ENPP3: variants seen among roughly 807,000 people sequenced by gnomAD.
ENPP3 encodes the protein ectonucleotide pyrophosphatase/phosphodiesterase family member 3.
A neutral mutation model predicts 117.8 loss-of-function variants in ENPP3; 104 were observed. That is an observed-to-expected ratio of 0.88 (90% confidence interval 0.75 to 1.04). The LOEUF (loss-of-function observed/expected upper bound fraction) is 1.04, where lower values mean the gene tolerates loss of function less well. Among genes scored for constraint, ENPP3 ranks in the 50% least tolerant of loss-of-function variants. ENPP3 has a pLI of 0.00. For synonymous variants in ENPP3, 380 were observed against 349.9 expected (o/e 1.09, Z -0.96); for missense variants, 1,026 against 1,051.9 (o/e 0.98, Z 0.34).
chr6:131,690,784 C>T (rs897466151), intron 14 of ENPP3, among the ~76,000 whole-genome samples: 5 of 151,770 alleles, frequency 3.3e-5, no homozygotes, highest in East Asian at 3.9e-4. Flanking sequence ...TCTCTCAACA[C>T]CTTCTAGTAT....
chr6:131,687,447 G>A (rs1468696470), intron 14 of ENPP3, among the ~76,000 whole-genome samples: 2 of 152,116 alleles, frequency 1.3e-5, no homozygotes, highest in African/African-American at 2.4e-5. Flanking sequence ...CTTGACATGG[G>A]TCTTGGCAAA....
intron 2 of ENPP3, among the ~76,000 whole-genome samples, chr6:131,647,287 A>G (rs1464481274): frequency 6.6e-6 from 1 of 152,228 alleles, no homozygotes; most frequent in African/African-American, 2.4e-5. Flanking sequence ...AATGTGTTAA[A>G]ATAACTTCTA....
intron 7 of ENPP3, among the ~76,000 whole-genome samples, 185 bp from the exon 8 acceptor site, chr6:131,673,977 T>G (rs62423387): frequency 0.099 from 15,082 of 152,162 alleles, 1,760 homozygotes; most frequent in African/African-American, 0.28. Context: ...GTCATGGAAC[T>G]AATGCCCTAT....
chr6:131,651,409 G>C (rs980763968), intron 3 of ENPP3, among the ~76,000 whole-genome samples: 3 of 152,134 alleles, frequency 2.0e-5, no homozygotes, highest in African/African-American at 7.2e-5. Context: ...GGAATAACAG[G>C]CTATGGTAAA....
intron 24 of ENPP3, 60 bp downstream of exon 24, chr6:131,740,440 C>T (rs1302332529): frequency 1.5e-6 from 2 of 1,321,190 alleles, no homozygotes; most frequent in African/African-American, 1.5e-5. Flanking sequence ...CATTTGGGTT[C>T]TCATAAAAGT....
rs556535941 is a variant in ENPP3, at chr6:131,721,169, C to T, written c.1567+790C>T. Among the ~76,000 whole-genome samples the T allele has an allele frequency of 1.7e-3, 263 of 152,292 alleles. 1 individual carries two copies. Among genetic ancestry groups the T allele is most frequent in the African/African-American group, 6.1e-3 (253 of 41,554 alleles). On this transcript the variant is annotated intron_variant, in intron 17 of 24. Coordinates refer to ENST00000357639, the MANE Select transcript of ENPP3 (RefSeq NM_005021.5). ...GAAGCCTAACCTACCTTCCTACCTA[C>T]GTGCTTGTTGCAGGCCATTGTATTA... is the stretch of plus-strand genomic sequence containing the variant.
At chr6:131,691,666 A>G (rs1779282419) in intron 14 of ENPP3, among the ~76,000 whole-genome samples, 1 of 152,132 alleles carries the variant, frequency 6.6e-6, no homozygotes, top group Non-Finnish European at 1.5e-5. Context: ...AAATTCTCAA[A>G]TGCAAAGAAT....
At chr6:131,683,003 G>C (rs762579423) in intron 11 of ENPP3, 51 bp from the exon 12 acceptor site, 1 of 1,088,116 alleles carries the variant, frequency 9.2e-7, no homozygotes. Flanking sequence ...TAACGGTTTG[G>C]CTAATTAAGA....
At chr6:131,694,788 C>T (rs572051894) in intron 15 of ENPP3, among the ~76,000 whole-genome samples, 1 of 149,942 alleles carries the variant, frequency 6.7e-6, no homozygotes, top group East Asian at 2.0e-4. Flanking sequence ...GAGCCAAGAT[C>T]GCACCACTGC....
chr6:131,672,451 T>C (rs1045158340), intron 7 of ENPP3, among the ~76,000 whole-genome samples: 4 of 152,110 alleles, frequency 2.6e-5, no homozygotes, highest in African/African-American at 7.2e-5. Flanking sequence ...GTATGAGTGA[T>C]AGTGAACCAA....
intron 20 of ENPP3, among the ~76,000 whole-genome samples, chr6:131,733,357 T>C (rs1221906547): frequency 6.6e-6 from 1 of 152,190 alleles, no homozygotes; most frequent in Non-Finnish European, 1.5e-5. Flanking sequence ...ACTGTGCAAA[T>C]ATTTTTTTCC....
intron 5 of ENPP3, among the ~76,000 whole-genome samples, chr6:131,654,629 G>T (rs1452167766): frequency 2.0e-5 from 3 of 152,086 alleles, no homozygotes; most frequent in African/African-American, 7.2e-5. Context: ...TTTTTGTAGA[G>T]ACAGTGTTTT....
chr6:131,691,293 A>G (rs1779271758), intron 14 of ENPP3, among the ~76,000 whole-genome samples: 1 of 152,176 alleles, frequency 6.6e-6, no homozygotes, highest in African/African-American at 2.4e-5. Context: ...ATTCTGAGAT[A>G]AAATGTCAAA....
At chr6:131,683,004 C>T (rs1779058479) in intron 11 of ENPP3, 50 bp from the exon 12 acceptor site, 1 of 1,102,874 alleles carries the variant, frequency 9.1e-7, no homozygotes, top group African/African-American at 1.5e-5. Context: ...AACGGTTTGG[C>T]TAATTAAGAC....
intron 18 of ENPP3, among the ~76,000 whole-genome samples, chr6:131,722,813 A>C (rs781117362): frequency 1.3e-5 from 2 of 152,150 alleles, no homozygotes; most frequent in Admixed American, 6.5e-5. Flanking sequence ...GCTGTTTGAC[A>C]TACCCACTAG....
At position 131,707,318 on chromosome 6, in the gene ENPP3, G is replaced by T. The variant is rs1461797021; in HGVS notation, c.1413-11354G>T. Reference sequence around the variant, plus strand: ...TGTTTCATTATGATATTTGAAATTTGTTTTTTCCTTTTAATTTATGCTTGA... The same window carrying T: ...TGTTTCATTATGATATTTGAAATTTTTTTTTTCCTTTTAATTTATGCTTGA... On this transcript the variant is annotated intron_variant, in intron 15 of 24. Coordinates refer to ENST00000357639, the MANE Select transcript of ENPP3 (RefSeq NM_005021.5). Among the ~76,000 whole-genome samples, 3 of 82,408 alleles carry T rather than the reference G, an allele frequency of 3.6e-5. 1 individual carries two copies. The highest frequency in any genetic ancestry group is 9.1e-5 in the African/African-American group (1 of 11,002). 54.1% of individuals were successfully genotyped at this position (82,408 alleles called of 152,430 possible).
intron 1 of ENPP3, among the ~76,000 whole-genome samples, chr6:131,638,764 C>T (rs1048168165): frequency 3.9e-5 from 6 of 151,964 alleles, no homozygotes; most frequent in African/African-American, 1.4e-4. Context: ...AGTAATCCAC[C>T]AGCTCTGACT....
In ENPP3 at chr6:131,693,582, A is replaced by G. The variant is rs759096436; in HGVS notation, c.1370A>G (p.Asp457Gly). 1 of 1,613,976 alleles carries G rather than the reference A, an allele frequency of 6.2e-7. No homozygotes were observed. The highest frequency in any genetic ancestry group is 1.1e-5 in the South Asian group (1 of 91,030). ...RLHYAKNVRIDKVHLFVDQQW... is the reference protein window; with the variant it reads ...RLHYAKNVRIGKVHLFVDQQW... ...CACTATGCCAAGAACGTCAGAATCGACAAAGTTCATCTCTTTGTGGATCAA... is the reference window on the plus strand; with the variant it reads ...CACTATGCCAAGAACGTCAGAATCGGCAAAGTTCATCTCTTTGTGGATCAA... The change falls in exon 15 of 25, where the codon GAC (aspartate) becomes GGC (glycine). Residue 457 changes from aspartate to glycine, a missense_variant. Transcript: ENST00000357639.
intron 15 of ENPP3, among the ~76,000 whole-genome samples, chr6:131,707,133 A>G (rs367558919): frequency 0.036 from 5,144 of 142,704 alleles, 11 homozygotes; most frequent in East Asian, 0.19. Context: ...AGTTATTCAA[A>G]TGATCTATTC....
Sources: allele counts gnomAD v4.1 joint callset (sites outside exome capture counted in the v4.1 genomes callset), GRCh38; gene constraint gnomAD v4.1.1; transcripts MANE v1.5; gene names NCBI Gene and HGNC (gene_info 2026-07-23, HGNC 2026-07-21).